SAMD12: variants seen among roughly 807,000 people sequenced by gnomAD.
The protein encoded by SAMD12 is sterile alpha motif domain-containing protein 12.
Under a neutral mutation model 15.0 loss-of-function variants are expected in SAMD12, and 9 were observed. That is an observed-to-expected ratio of 0.60 (90% CI 0.36 to 1.05). The LOEUF (loss-of-function observed/expected upper bound fraction) is 1.05. Ranked by LOEUF, SAMD12 falls within the 50% of genes least tolerant of loss-of-function variation. The probability of loss-of-function intolerance (pLI) is 0.01; values close to 1 mark genes in which losing one functional copy is unlikely to be tolerated. For synonymous variants in SAMD12, 86 were observed against 90.1 expected, an observed-to-expected ratio of 0.96 and a Z score of 0.25; for missense variants, 230 against 234.2, an observed-to-expected ratio of 0.98 and a Z score of 0.12.
chr8:118,273,962 T>A (rs1445520319), intron 4 of SAMD12, among the ~76,000 whole-genome samples: 1 of 152,248 alleles, frequency 6.6e-6, no homozygotes, highest in Non-Finnish European at 1.5e-5. Flanking sequence ...GTGCCCATCA[T>A]TGCGCTGCAC....
At chr8:118,148,288 T>C in the SAMD12 span, among the ~76,000 whole-genome samples, 1 of 151,594 alleles carries the variant, frequency 6.6e-6, no homozygotes, top group African/African-American at 2.4e-5. Flanking sequence ...GGTCTCAAAC[T>C]CATGGGTTCA....
At chr8:118,560,391 TGA>T (rs775283145) in intron 2 of SAMD12, among the ~76,000 whole-genome samples, 1 of 152,230 alleles carries the variant, frequency 6.6e-6, no homozygotes, top group Non-Finnish European at 1.5e-5. Context: ...ACTAGCTGTC[TGA>T]GAGTACGAAT....
chr8:118,569,302 G>A (rs1208441706), intron 2 of SAMD12, among the ~76,000 whole-genome samples: 2 of 151,982 alleles, frequency 1.3e-5, no homozygotes, highest in East Asian at 1.9e-4. Context: ...TTGCCTTCAG[G>A]CTATATATAT....
At chr8:118,191,389 C>A (rs1315752178) in exon 5 of SAMD12, 1 of 151,912 alleles carries the variant, frequency 6.6e-6, no homozygotes, top group African/African-American at 2.4e-5. Flanking sequence ...CCCCTTTTAC[C>A]CCCAGTGAGG....
chr8:118,421,424 CTTGT>C (rs1821990857), intron 3 of SAMD12, among the ~76,000 whole-genome samples: 1 of 152,134 alleles, frequency 6.6e-6, no homozygotes, highest in Non-Finnish European at 1.5e-5. Context: ...TCTCATTGCT[CTTGT>C]TTAAGTTGTA....
intron 2 of SAMD12, among the ~76,000 whole-genome samples, chr8:118,474,008 G>A (rs1211920607): frequency 6.6e-6 from 1 of 152,202 alleles, no homozygotes; most frequent in Non-Finnish European, 1.5e-5. Context: ...GCCCAGGCTG[G>A]AATTCAGTGG....
At chr8:118,519,898 A>T (rs1308662914) in intron 2 of SAMD12, among the ~76,000 whole-genome samples, 1 of 152,236 alleles carries the variant, frequency 6.6e-6, no homozygotes, top group Non-Finnish European at 1.5e-5. Context: ...ATTATGATCA[A>T]GCTATAAGAG....
intron 4 of SAMD12, among the ~76,000 whole-genome samples, chr8:118,320,278 T>G (rs970629236): frequency 3.5e-4 from 54 of 152,196 alleles, no homozygotes; most frequent in African/African-American, 1.3e-3. Flanking sequence ...AAATGGGACA[T>G]GACAGAGTAC....
chr8:118,197,484 G>A (rs1819597708), exon 5 of SAMD12: 1 of 591,048 alleles, frequency 1.7e-6, no homozygotes, highest in African/African-American at 1.9e-5. Context: ...ATGACCACTT[G>A]GAATGAGTTG....
chr8:118,450,967 T>A (rs1046441305), intron 2 of SAMD12, among the ~76,000 whole-genome samples: 1 of 152,176 alleles, frequency 6.6e-6, no homozygotes, highest in African/African-American at 2.4e-5. Context: ...ATTCCAGACA[T>A]CATGTTCGAT....
At chr8:118,521,160 C>G (rs1368734911) in intron 2 of SAMD12, among the ~76,000 whole-genome samples, 1 of 152,196 alleles carries the variant, frequency 6.6e-6, no homozygotes, top group African/African-American at 2.4e-5. Context: ...GTTTTTCCCT[C>G]TCTCCGTTCT....
intron 4 of SAMD12, among the ~76,000 whole-genome samples, chr8:118,259,471 C>T (rs1563719446): frequency 6.6e-6 from 1 of 152,002 alleles, no homozygotes; most frequent in Non-Finnish European, 1.5e-5. Flanking sequence ...CAGGTCAGGT[C>T]CTCATAACAA....
chr8:118,143,089 T>G, the SAMD12 span, among the ~76,000 whole-genome samples: 1 of 152,174 alleles, frequency 6.6e-6, no homozygotes, highest in African/African-American at 2.4e-5. Context: ...ACACAACTTT[T>G]TTTTTAAAGG....
At chr8:118,549,202 T>G (rs1192612518) in intron 2 of SAMD12, among the ~76,000 whole-genome samples, 2 of 152,226 alleles carry the variant, frequency 1.3e-5, no homozygotes, top group Non-Finnish European at 2.9e-5. Flanking sequence ...CAGCTGGAGA[T>G]CTGAGAACGG....
intron 2 of SAMD12, among the ~76,000 whole-genome samples, chr8:118,541,979 G>A (rs1050302315): frequency 3.3e-5 from 5 of 152,168 alleles, no homozygotes; most frequent in South Asian, 2.1e-4. Context: ...AAGCTATGGT[G>A]CCCAGCAATA....
chr8:118,165,612 A>ATGTG, the SAMD12 span, among the ~76,000 whole-genome samples: 109 of 63,042 alleles, frequency 1.7e-3, no homozygotes, highest in Middle Eastern at 7.7e-3. Flanking sequence ...ACATATATAT[A>ATGTG]TGTATATATA....
chr8:118,572,074 G>A (rs1827026430), intron 2 of SAMD12, among the ~76,000 whole-genome samples: 1 of 152,214 alleles, frequency 6.6e-6, no homozygotes, highest in Admixed American at 6.5e-5. Context: ...AAGACCATGG[G>A]AACCCACCTC....
At chr8:118,617,353 A>G (rs1320414894) in intron 1 of SAMD12, among the ~76,000 whole-genome samples, 1 of 152,190 alleles carries the variant, frequency 6.6e-6, no homozygotes, top group Non-Finnish European at 1.5e-5. Context: ...TTAGCCTTAC[A>G]ATATTTTGGT....
chr8:118,508,991 A>G (rs1825001365), intron 2 of SAMD12, among the ~76,000 whole-genome samples: 3 of 152,068 alleles, frequency 2.0e-5, no homozygotes, highest in African/African-American at 7.2e-5. Context: ...TCTTAATAAC[A>G]CTCTAGTCTA....
Sources: allele counts gnomAD v4.1 joint callset (sites outside exome capture counted in the v4.1 genomes callset), GRCh38; gene constraint gnomAD v4.1.1; transcripts MANE v1.5; gene names NCBI Gene and HGNC (gene_info 2026-07-23, HGNC 2026-07-21).